Variants in MPHOSPH9 observed in about 807,000 individuals in gnomAD.
MPHOSPH9 encodes the protein M-phase phosphoprotein 9.
Under a neutral mutation model 145.5 loss-of-function variants are expected in MPHOSPH9, and 88 were observed. The observed-to-expected ratio is 0.60, with a 90% CI of 0.51 to 0.72. The LOEUF (loss-of-function observed/expected upper bound fraction) is 0.72, where lower values mean the gene tolerates loss of function less well. Among genes scored for constraint, MPHOSPH9 ranks in the 30% least tolerant of loss-of-function variants. The pLI is 0.00. For synonymous variants in MPHOSPH9, 435 were observed against 486.2 expected (o/e 0.89, Z 1.39); for missense variants, 1,238 against 1,386.6 (o/e 0.89, Z 1.70).
intron 1 of MPHOSPH9, among the ~76,000 whole-genome samples, chr12:123,238,356 T>C (rs1486700756): frequency 6.6e-6 from 1 of 152,190 alleles, no homozygotes; most frequent in Non-Finnish European, 1.5e-5. Context: ...GGCCCTTAAC[T>C]GTTTATTAGG....
At chr12:123,161,442 A>G in intron 21 of MPHOSPH9, 59 bp from the exon 22 acceptor site, 1 of 1,561,542 alleles carries the variant, frequency 6.4e-7, no homozygotes. Flanking sequence ...TAGGTTGCAT[A>G]TATATTAAAT....
In MPHOSPH9 at chr12:123,181,316, G is replaced by A. The variant is rs1225943812; in HGVS notation, c.2242-106C>T. On this transcript the variant is annotated intron_variant, in intron 13 of 23. Transcript: ENST00000606320. ...GCCTATAGCCTTCAAAAATGCCAAT[G>A]TCATGAAAGAGAAAGGTCAATAGAG... is the stretch of plus-strand genomic sequence containing the variant. 68 of 874,042 alleles carry A rather than the reference G, an allele frequency of 7.8e-5. No homozygotes were observed. The East Asian group carries it at 1.5e-3, about 20-fold the overall frequency. The allele number at this position is 874,042 out of a possible 1,614,324, so 54.1% of individuals were successfully genotyped here.
intron 13 of MPHOSPH9, among the ~76,000 whole-genome samples, chr12:123,182,472 C>T (rs1318793473): frequency 6.6e-6 from 1 of 151,140 alleles, no homozygotes; most frequent in African/African-American, 2.4e-5. Flanking sequence ...TCTCAAACTC[C>T]TGACCTCAAG....
At chr12:123,177,217 T>C (rs11057180) in intron 15 of MPHOSPH9, among the ~76,000 whole-genome samples, 2,177 of 151,634 alleles carry the variant, frequency 0.014, 41 homozygotes, top group South Asian at 0.071. Context: ...ACATTTTTCA[T>C]AGTAAAACAT....
At chr12:123,205,344 G>A (rs999085657) in intron 8 of MPHOSPH9, among the ~76,000 whole-genome samples, 11 of 152,124 alleles carry the variant, frequency 7.2e-5, no homozygotes, top group Admixed American at 2.6e-4. Flanking sequence ...TCAGAAGTTC[G>A]ACACCGGCCT....
chr12:123,216,744 T>C (rs1021089415), intron 6 of MPHOSPH9, among the ~76,000 whole-genome samples: 1 of 151,964 alleles, frequency 6.6e-6, no homozygotes, highest in African/African-American at 2.4e-5. Context: ...ACGTCTATAA[T>C]CCCGGCACTT....
chr12:123,198,300 T>C lies in MPHOSPH9; in HGVS notation c.1972A>G (p.Thr658Ala). 1 of 1,612,616 alleles carries C rather than the reference T, an allele frequency of 6.2e-7. No individual in the cohort carries two copies. The highest frequency in any genetic ancestry group is 1.7e-5 in the Admixed American group (1 of 59,852). ...TTTTCAAGTGTTCTCACGCGACTAG[T>C]AGCTTCATGCAAAGCACTATCTAAT... ...GQLDSALHEA[T>A]SRVRTLENKN... Residue 658 changes from threonine to alanine, a missense_variant, in exon 12 of 24, where the codon ACT (threonine) becomes GCT (alanine). Transcript: ENST00000606320.
At chr12:123,178,434 T>G (rs2044978921) in intron 15 of MPHOSPH9, among the ~76,000 whole-genome samples, 1 of 152,244 alleles carries the variant, frequency 6.6e-6, no homozygotes, top group Admixed American at 6.5e-5. Flanking sequence ...AAGACTGCAG[T>G]AAAATGTCTA....
intron 16 of MPHOSPH9, among the ~76,000 whole-genome samples, chr12:123,168,753 T>C (rs2044438195): frequency 6.6e-6 from 1 of 152,152 alleles, no homozygotes; most frequent in Non-Finnish European, 1.5e-5. Context: ...AGGTGAAACT[T>C]TTGAGTCAAA....
At chr12:123,224,483 C>G (rs1466057392) in intron 3 of MPHOSPH9, among the ~76,000 whole-genome samples, 1 of 151,932 alleles carries the variant, frequency 6.6e-6, no homozygotes, top group Middle Eastern at 3.2e-3. Flanking sequence ...GTTGGCCAGG[C>G]TGTTCTCGAA....
chr12:123,165,463 A>T lies in MPHOSPH9; in HGVS notation c.2606T>A (p.Leu869Gln), dbSNP rs2044276720. ...ACTTCCAGGTGAAGAATCCTTTTCC[A>T]GAGGTGAACGGTGCCTTAAACAATA... ...ETCSLGHRSP[L>Q]EKDSSPGSSS... Residue 869 changes from leucine (L) to glutamine (Q), a missense_variant, in exon 18 of 24, where the codon CTG becomes CAG. This residue lies in a region of MPHOSPH9 where 393 missense variants were observed against 462.5 expected (regional missense o/e 0.85). Coordinates refer to ENST00000606320, the MANE Select transcript of MPHOSPH9 (RefSeq NM_022782.4). 3.7e-6 allele frequency: 6 copies of T among 1,613,720 alleles called. No homozygotes were observed. Among genetic ancestry groups the T allele is most frequent in the Non-Finnish European group, 5.1e-6 (6 of 1,179,956 alleles).
At position 123,194,616 on chromosome 12, in the gene MPHOSPH9, C is replaced by T; in HGVS notation, c.2026-15G>A. The T allele has an allele frequency of 1.4e-6, 2 of 1,460,580 alleles. No individual in the cohort carries two copies. Among genetic ancestry groups the T allele is most frequent in the African/African-American group, 1.5e-5 (1 of 65,250 alleles). The allele number at this position is 1,460,580 out of a possible 1,614,324, so 90.5% of individuals were successfully genotyped here. A position where few individuals can be genotyped will look rare whatever the true frequency, so the allele number is the denominator to read the frequency against. On this transcript the variant is annotated splice_polypyrimidine_tract_variant and intron_variant, in intron 12 of 23. Transcript: ENST00000606320. ...CTCAAATCATTCTATAAAACAAAGACAAACATAATTTTTTTTTTTTTTTGA... is the reference window on the plus strand; with the variant it reads ...CTCAAATCATTCTATAAAACAAAGATAAACATAATTTTTTTTTTTTTTTGA...
At chr12:123,193,108 TACACACACAC>T (rs4044136) in intron 13 of MPHOSPH9, among the ~76,000 whole-genome samples, 4,529 of 94,932 alleles carry the variant, frequency 0.048, 303 homozygotes, top group East Asian at 0.17. Flanking sequence ...TATATATATA[TACACACACAC>T]ACACACACAC....
downstream of MPHOSPH9, chr12:123,152,743 T>C (rs1280272987): frequency 5.7e-6 from 2 of 353,158 alleles, no homozygotes; most frequent in Non-Finnish European, 5.6e-6. Context: ...AGGAAATTAT[T>C]TCCAGCAAAA....
In MPHOSPH9 at chr12:123,194,487, T is replaced by A; in HGVS notation, c.2140A>T (p.Lys714Ter). ...KEKDNTIIRL[K>*]SRLQDLEEAF... is the part of the protein sequence containing the mutation. ...TCTTCTAAATCTTGCAGTCTAGATT[T>A]TAGTCGAATGATGGTATTGTCTTTT... Residue 714 changes from lysine to a stop codon, truncating the protein, a stop_gained, in exon 13 of 24, where the codon AAA becomes TAA. Coordinates refer to ENST00000606320, the MANE Select transcript of MPHOSPH9 (RefSeq NM_022782.4). LOFTEE classifies it high-confidence loss of function. The A allele has an allele frequency of 6.2e-7, 1 of 1,612,236 alleles. No homozygotes were observed. Among genetic ancestry groups the A allele is most frequent in the Non-Finnish European group, 8.5e-7 (1 of 1,179,392 alleles).
intron 1 of MPHOSPH9, among the ~76,000 whole-genome samples, chr12:123,230,961 G>A (rs542166929): frequency 1.1e-3 from 164 of 152,188 alleles, no homozygotes; most frequent in African/African-American, 3.7e-3. Context: ...AAAAAATTCT[G>A]GAATTAGATA....
chr12:123,194,164 G>A (rs1435028063), intron 13 of MPHOSPH9, among the ~76,000 whole-genome samples: 1 of 152,124 alleles, frequency 6.6e-6, no homozygotes, highest in African/African-American at 2.4e-5. Context: ...AGCTACTTGG[G>A]AGGCTGAGGC....
At chr12:123,234,660 G>A (rs2047809710), upstream of MPHOSPH9, among the ~76,000 whole-genome samples, 1 of 152,222 alleles carries the variant, frequency 6.6e-6, no homozygotes, top group Admixed American at 6.5e-5. Flanking sequence ...GCCACCCAAA[G>A]TGCTGGGATT....
In MPHOSPH9 at chr12:123,176,731, G is replaced by A. The variant is rs1380300813; in HGVS notation, c.2413C>T (p.Leu805Phe). ...KQVEHENMLS[L>F]RHNSRIHVRP... Reference sequence around the variant, plus strand: ...ACGTGAATTCTAGAATTATGACGAAGGCTTAACATATTTTCATGTTCTACT... The same window carrying A: ...ACGTGAATTCTAGAATTATGACGAAAGCTTAACATATTTTCATGTTCTACT... Residue 805 changes from leucine to phenylalanine, a missense_variant, in exon 16 of 24, where the codon CTT becomes TTT. Physicochemically the swap from Leu to Phe is conservative, Grantham distance 22 (BLOSUM62 0). Transcript: ENST00000606320. 1 of 1,613,922 alleles carries A rather than the reference G, an allele frequency of 6.2e-7. No homozygotes were observed. Among genetic ancestry groups the A allele is most frequent in the Non-Finnish European group, 8.5e-7 (1 of 1,179,952 alleles).
Sources: allele counts gnomAD v4.1 joint callset (sites outside exome capture counted in the v4.1 genomes callset), GRCh38; gene constraint gnomAD v4.1.1; regional missense constraint gnomAD v4.1.1; transcripts MANE v1.5; gene names NCBI Gene and HGNC (gene_info 2026-07-23, HGNC 2026-07-21).